Variants in TWSG1 observed in about 807,000 individuals in gnomAD.
TWSG1 encodes twisted gastrulation BMP signaling modulator 1, also known as twisted gastrulation protein homolog 1.
Under a neutral mutation model 23.0 loss-of-function variants are expected in TWSG1, and 15 were observed. The observed-to-expected ratio is 0.65, with a 90% confidence interval of 0.44 to 1.00. TWSG1 has a LOEUF of 1.00. Ranked by LOEUF, TWSG1 falls within the 50% of genes least tolerant of loss-of-function variation. The pLI, the probability that TWSG1 is intolerant of heterozygous loss-of-function variation, is 0.00. For synonymous variants in TWSG1, 86 were observed against 92.8 expected, an observed-to-expected ratio of 0.93 and a Z score of 0.42; for missense variants, 242 against 278.7, an observed-to-expected ratio of 0.87 and a Z score of 0.94.
At chr18:9,344,928 T>A (rs2040469878) in intron 2 of TWSG1, among the ~76,000 whole-genome samples, 1 of 152,102 alleles carries the variant, frequency 6.6e-6, no homozygotes, top group African/African-American at 2.4e-5. Context: ...TTAAAATTTT[T>A]AAATTCTTTA....
At chr18:9,340,375 A>AAG (rs1421963374) in intron 2 of TWSG1, among the ~76,000 whole-genome samples, 1 of 150,154 alleles carries the variant, frequency 6.7e-6, no homozygotes, top group East Asian at 1.9e-4. Flanking sequence ...TTCAAAAAAA[A>AAG]AAAAAAAAAA....
intron 2 of TWSG1, among the ~76,000 whole-genome samples, chr18:9,343,213 TATATATATATATA>T (rs2040454732): frequency 1.7e-3 from 3 of 1,804 alleles, no homozygotes; most frequent in African/African-American, 1.7e-3. Context: ...TTTTTTGTTA[TATATATATATATA>T]TATATATATA....
intron 3 of TWSG1, among the ~76,000 whole-genome samples, chr18:9,393,248 G>T (rs573460034): frequency 6.6e-6 from 1 of 152,302 alleles, no homozygotes; most frequent in East Asian, 1.9e-4. Flanking sequence ...CTTATATAAT[G>T]CTCACAAAAA....
Position 9,396,365 on chromosome 18 carries a change from C to T in TWSG1, c.309C>T (p.Leu103=). The T allele has an allele frequency of 1.9e-6, 3 of 1,614,190 alleles. No homozygotes were observed. The highest frequency in any genetic ancestry group is 2.5e-6 in the Non-Finnish European group (3 of 1,180,022). Residue 103 remains leucine (L), a synonymous_variant, in exon 4 of 5, where the codon CTC becomes CTT. Coordinates refer to ENST00000262120, the MANE Select transcript of TWSG1 (RefSeq NM_020648.6). ...AGCTGCATGAACCGATCCCTTCTCTCTTCCGGGCACTCACAGAAGGAGATA... is the reference window on the plus strand; with the variant it reads ...AGCTGCATGAACCGATCCCTTCTCTTTTCCGGGCACTCACAGAAGGAGATA... ...VEELHEPIPS[L]FRALTEGDTQ... is the part of the protein sequence containing the mutation.
At chr18:9,379,112 A>G (rs1254405655) in intron 3 of TWSG1, among the ~76,000 whole-genome samples, 1 of 152,192 alleles carries the variant, frequency 6.6e-6, no homozygotes, top group African/African-American at 2.4e-5. Flanking sequence ...AAAGCAGTGT[A>G]ACGATTCCTC....
At chr18:9,359,084 T>C (rs1024524519) in intron 2 of TWSG1, among the ~76,000 whole-genome samples, 1 of 152,134 alleles carries the variant, frequency 6.6e-6, no homozygotes, top group Non-Finnish European at 1.5e-5. Flanking sequence ...GTTTAGTGGG[T>C]TAAAACAATA....
At chr18:9,391,896 C>T (rs926821215) in intron 3 of TWSG1, among the ~76,000 whole-genome samples, 9 of 152,134 alleles carry the variant, frequency 5.9e-5, no homozygotes, top group Non-Finnish European at 1.0e-4. Flanking sequence ...TGTCAGTGAG[C>T]AGTAATATTT....
At chr18:9,389,103 A>C (rs2040699348) in intron 3 of TWSG1, among the ~76,000 whole-genome samples, 1 of 151,924 alleles carries the variant, frequency 6.6e-6, no homozygotes, top group African/African-American at 2.4e-5. Flanking sequence ...CAGCCTCCCG[A>C]GTAGCTGGGA....
chr18:9,359,711 A>G (rs1312488436), intron 2 of TWSG1, among the ~76,000 whole-genome samples: 1 of 152,200 alleles, frequency 6.6e-6, no homozygotes, highest in Non-Finnish European at 1.5e-5. Flanking sequence ...TAGTCAAGTT[A>G]TGGATTATAA....
chr18:9,373,270 G>A (rs1259777649), intron 3 of TWSG1, among the ~76,000 whole-genome samples: 1 of 152,140 alleles, frequency 6.6e-6, no homozygotes, highest in African/African-American at 2.4e-5. Context: ...GCCAGGTGCA[G>A]TGGCTCATGC....
rs1200881569 is a variant in TWSG1 at position 9,402,083 on chromosome 18, A to C, written c.*2556A>C. The C allele has an allele frequency of 6.6e-6, 1 of 152,134 alleles. No individual in the cohort carries two copies. The highest frequency in any genetic ancestry group is 2.4e-5 in the African/African-American group (1 of 41,450). The allele number at this position is 152,134 out of a possible 1,614,324, so 9.4% of individuals were successfully genotyped here. ...TTTAAATAAAATCTATTCTGTGTTTATGTAGGGTGGTATAAAAAAGAGGTC... is the reference window on the plus strand; with the variant it reads ...TTTAAATAAAATCTATTCTGTGTTTCTGTAGGGTGGTATAAAAAAGAGGTC... On this transcript the variant is annotated 3_prime_UTR_variant, in exon 5 of 5. Transcript: ENST00000262120.
At chr18:9,335,235 C>T (rs1238987241) in intron 1 of TWSG1, among the ~76,000 whole-genome samples, 1 of 152,184 alleles carries the variant, frequency 6.6e-6, no homozygotes, top group African/African-American at 2.4e-5. Context: ...CACACCGCTA[C>T]CGGCCTCTGC....
intron 2 of TWSG1, among the ~76,000 whole-genome samples, chr18:9,348,877 A>G (rs1413524634): frequency 6.6e-6 from 1 of 152,208 alleles, no homozygotes; most frequent in Admixed American, 6.5e-5. Flanking sequence ...ACATTTGTTT[A>G]TATTGCATCC....
At chr18:9,371,273 T>A (rs557446950) in intron 3 of TWSG1, among the ~76,000 whole-genome samples, 1 of 152,048 alleles carries the variant, frequency 6.6e-6, no homozygotes, top group South Asian at 2.1e-4. Flanking sequence ...GAAACTGCAC[T>A]GATTTAAAGG....
At chr18:9,348,873 G>C (rs1312579879) in intron 2 of TWSG1, among the ~76,000 whole-genome samples, 1 of 152,122 alleles carries the variant, frequency 6.6e-6, no homozygotes, top group Non-Finnish European at 1.5e-5. Context: ...TAGAACATTT[G>C]TTTATATTGC....
intron 3 of TWSG1, among the ~76,000 whole-genome samples, chr18:9,368,550 C>T (rs530445601): frequency 4.3e-4 from 65 of 152,096 alleles, no homozygotes; most frequent in African/African-American, 1.2e-3. Context: ...CAGTGGCTCA[C>T]GTCTGTAATT....
chr18:9,335,889 T>C (rs757680309), intron 1 of TWSG1, among the ~76,000 whole-genome samples: 5 of 152,226 alleles, frequency 3.3e-5, no homozygotes, highest in African/African-American at 1.2e-4. Context: ...TTATCCCTCT[T>C]ACGTCAGTAG....
chr18:9,382,806 C>CA (rs369549581), intron 3 of TWSG1, among the ~76,000 whole-genome samples: 228 of 80,636 alleles, frequency 2.8e-3, no homozygotes, highest in Non-Finnish European at 3.8e-3. Context: ...GACTCCGTCT[C>CA]AAAAAAAAAA....
chr18:9,357,060 A>G (rs1404205989), intron 2 of TWSG1, among the ~76,000 whole-genome samples: 7 of 152,018 alleles, frequency 4.6e-5, no homozygotes, highest in African/African-American at 1.4e-4. Context: ...TTTTACTCCA[A>G]AGACAAAGTA....
Sources: allele counts gnomAD v4.1 joint callset (sites outside exome capture counted in the v4.1 genomes callset), GRCh38; gene constraint gnomAD v4.1.1; transcripts MANE v1.5; gene names NCBI Gene and HGNC (gene_info 2026-07-23, HGNC 2026-07-21).